Variants in MAP3K13 observed in about 807,000 individuals in gnomAD.
MAP3K13 encodes the protein mitogen-activated protein kinase kinase kinase 13, also known as leucine zipper-bearing kinase.
Under a neutral mutation model 104.0 loss-of-function variants are expected in MAP3K13, and 52 were observed. The ratio of observed to expected loss-of-function variants is 0.50; its 90% CI spans 0.40 to 0.63. The LOEUF (loss-of-function observed/expected upper bound fraction) is 0.63, where lower values mean the gene tolerates loss of function less well. Among genes scored for constraint, MAP3K13 ranks in the 20% least tolerant of loss-of-function variants. The probability of loss-of-function intolerance (pLI) is 0.00; values close to 1 mark genes in which losing one functional copy is unlikely to be tolerated. For missense variants in MAP3K13, 914 were observed against 1,218.5 expected, an observed-to-expected ratio of 0.75 and a Z score of 3.72; for synonymous variants, 394 against 442.2, an observed-to-expected ratio of 0.89 and a Z score of 1.37.
chr3:185,372,656 A>C (rs959386894), intron 1 of MAP3K13, among the ~76,000 whole-genome samples: 1 of 152,194 alleles, frequency 6.6e-6, no homozygotes, highest in Non-Finnish European at 1.5e-5. Context: ...CTTTGATACC[A>C]GATTTTGTTA....
At chr3:185,314,993 C>CT (rs1019670618) in intron 2 of MAP3K13, among the ~76,000 whole-genome samples, 1 of 152,130 alleles carries the variant, frequency 6.6e-6, no homozygotes, top group Non-Finnish European at 1.5e-5. Context: ...TGGCTCATGC[C>CT]TGTAATCCCA....
At chr3:185,334,473 G>A (rs547294068) in intron 2 of MAP3K13, among the ~76,000 whole-genome samples, 33 of 152,026 alleles carry the variant, frequency 2.2e-4, no homozygotes, top group African/African-American at 6.0e-4. Context: ...CAGATTTGTC[G>A]GTGGAACAGA....
chr3:185,441,151 C>A (rs1028314051), intron 3 of MAP3K13, among the ~76,000 whole-genome samples: 4 of 152,142 alleles, frequency 2.6e-5, no homozygotes, highest in African/African-American at 9.7e-5. Context: ...TAGGACAAGT[C>A]ACTTTCTCAC....
chr3:185,368,696 C>T (rs1413585862), intron 1 of MAP3K13, among the ~76,000 whole-genome samples: 1 of 152,110 alleles, frequency 6.6e-6, no homozygotes, highest in African/African-American at 2.4e-5. Context: ...GTGGCTCACA[C>T]CTGTAAGCCC....
At chr3:185,357,110 T>TC (rs1010143837) in intron 2 of MAP3K13, among the ~76,000 whole-genome samples, 5 of 147,630 alleles carry the variant, frequency 3.4e-5, no homozygotes, top group African/African-American at 5.1e-5. Flanking sequence ...TTTTTTTTTT[T>TC]CTCTCTCTCT....
Position 185,325,056 on chromosome 3 carries a change from AT to A in MAP3K13, c.-86+39415del, listed in dbSNP as rs1250582582. ...CTCTAATAACATGTTTCAGAACTCT[AT>A]TCTCAATCTTGACTGTTCAATGTTT... On this transcript the variant is annotated intron_variant, in intron 2 of 14. Coordinates refer to the MAP3K13 transcript ENST00000424227. Among the ~76,000 whole-genome samples, 3 of 152,358 alleles carry A rather than the reference AT, an allele frequency of 2.0e-5. 1 individual carries two copies. Among genetic ancestry groups the A allele is most frequent in the Non-Finnish European group, 1.5e-5 (1 of 68,034 alleles).
chr3:185,440,318 A>G (rs998366047), intron 3 of MAP3K13, among the ~76,000 whole-genome samples: 2 of 152,228 alleles, frequency 1.3e-5, no homozygotes, highest in African/African-American at 4.8e-5. Flanking sequence ...AAGAGAAATA[A>G]AAGGTGCGTA....
chr3:185,464,538 G>A (rs57011487), intron 8 of MAP3K13, among the ~76,000 whole-genome samples: 71,532 of 151,836 alleles, frequency 0.47, 17,093 homozygotes, highest in Middle Eastern at 0.54. Context: ...CCATCCTGCC[G>A]CCCTGTGAAG....
Position 185,450,417 on chromosome 3 carries a change from T to C in MAP3K13, c.1169+359T>C, listed in dbSNP as rs983225100. ...TCACTAATCCTAGATTTCCATTTCA[T>C]CATTAGACGTATCTCATAATTACAT... On this transcript the variant is annotated intron_variant, in intron 6 of 13. Transcript: ENST00000265026. This position sits in a 1 kb window ranked among gnomAD's most constrained non-coding sequence, Gnocchi z 4.2. 6.6e-6 allele frequency among the ~76,000 whole-genome samples: 1 copy of C among 152,190 alleles called. No homozygotes were observed. Among genetic ancestry groups the C allele is most frequent in the Non-Finnish European group, 1.5e-5 (1 of 68,032 alleles).
chr3:185,375,525 G>A (rs1290247944), intron 1 of MAP3K13, among the ~76,000 whole-genome samples: 4 of 152,172 alleles, frequency 2.6e-5, no homozygotes, highest in Admixed American at 6.5e-5. Flanking sequence ...GGCCTGTGAG[G>A]TTGGAAGGAG....
intron 7 of MAP3K13, among the ~76,000 whole-genome samples, chr3:185,455,513 G>GATATATATGATATATGAGATATATATGAC (rs1560119703): frequency 1.1e-3 from 4 of 3,616 alleles, no homozygotes; most frequent in Admixed American, 8.1e-3. Flanking sequence ...ATATATATGA[G>GATATATATGATATATGAGATATATATGAC]ATATATATGA....
intron 2 of MAP3K13, among the ~76,000 whole-genome samples, chr3:185,306,445 G>A (rs1721290483): frequency 6.6e-6 from 1 of 152,128 alleles, no homozygotes; most frequent in African/African-American, 2.4e-5. Flanking sequence ...AGCATCTGTT[G>A]TCTTTTGACT....
chr3:185,333,249 T>C (rs1446627747), intron 2 of MAP3K13, among the ~76,000 whole-genome samples: 1 of 152,228 alleles, frequency 6.6e-6, no homozygotes, highest in Non-Finnish European at 1.5e-5. Flanking sequence ...TACTAATAGC[T>C]GTGCAATCTT....
chr3:185,367,993 C>T (rs1451220810), intron 1 of MAP3K13, among the ~76,000 whole-genome samples: 1 of 152,092 alleles, frequency 6.6e-6, no homozygotes, highest in Non-Finnish European at 1.5e-5. Flanking sequence ...CCTGGGTCTA[C>T]AAAAAATACA....
chr3:185,451,602 C>T (rs1283122406), intron 7 of MAP3K13: 1 of 414,836 alleles, frequency 2.4e-6, no homozygotes, highest in Non-Finnish European at 4.4e-6. Context: ...TTTGAAAAAA[C>T]ACGTGTTGGC....
At chr3:185,337,869 A>C (rs1337738700) in intron 2 of MAP3K13, among the ~76,000 whole-genome samples, 2 of 152,056 alleles carry the variant, frequency 1.3e-5, no homozygotes, top group Non-Finnish European at 2.9e-5. Flanking sequence ...GGAAACTACA[A>C]ATTTTCCTCA....
At chr3:185,478,669 C>T (rs1718270155) in intron 12 of MAP3K13, among the ~76,000 whole-genome samples, 1 of 151,958 alleles carries the variant, frequency 6.6e-6, no homozygotes, top group Non-Finnish European at 1.5e-5. Flanking sequence ...ATCAGGAGTT[C>T]AAGACCATCC....
intron 1 of MAP3K13, among the ~76,000 whole-genome samples, chr3:185,400,942 A>G (rs1178746618): frequency 7.9e-6 from 1 of 127,378 alleles, no homozygotes; most frequent in African/African-American, 3.0e-5. Flanking sequence ...TGATCTGCTA[A>G]TACTGTCTTT....
chr3:185,480,884 C>T (rs1718408151), intron 13 of MAP3K13, among the ~76,000 whole-genome samples: 1 of 152,130 alleles, frequency 6.6e-6, no homozygotes, highest in Admixed American at 6.6e-5. Flanking sequence ...CATGAGAACT[C>T]ACTCACTATC....
Sources: allele counts gnomAD v4.1 joint callset (sites outside exome capture counted in the v4.1 genomes callset), GRCh38; gene constraint gnomAD v4.1.1; non-coding constraint Gnocchi (gnomAD v3.1); transcripts MANE v1.5; gene names NCBI Gene and HGNC (gene_info 2026-07-23, HGNC 2026-07-21).